The following TAOK3 variants were observed in gnomAD, a reference collection of about 807,000 sequenced individuals.
TAOK3 encodes the protein serine/threonine-protein kinase TAO3.
In TAOK3, 40 loss-of-function variants were observed where a neutral mutation model predicts 120.4. That is an observed-to-expected ratio of 0.33 (90% CI 0.26 to 0.43). TAOK3 has a LOEUF of 0.43. Among genes scored for constraint, TAOK3 ranks in the 20% least tolerant of loss-of-function variants. The pLI, the probability that TAOK3 is intolerant of heterozygous loss-of-function variation, is 1.00. For synonymous variants in TAOK3, 355 were observed against 387.5 expected (o/e 0.92, Z 0.99); for missense variants, 821 against 1,112.1 (o/e 0.74, Z 3.72).
chr12:118,314,024 G>A (rs2043357324), intron 1 of TAOK3, among the ~76,000 whole-genome samples: 1 of 152,098 alleles, frequency 6.6e-6, no homozygotes, highest in African/African-American at 2.4e-5. Context: ...GAAGTTTTAG[G>A]CCCTTCCAAG....
chr12:118,327,248 T>C (rs992020661), intron 1 of TAOK3, among the ~76,000 whole-genome samples: 29 of 152,188 alleles, frequency 1.9e-4, no homozygotes, highest in African/African-American at 6.8e-4. Context: ...AGGCTTTATG[T>C]ATATTATATC....
chr12:118,262,395 C>A (rs1041885801), intron 2 of TAOK3, among the ~76,000 whole-genome samples: 1 of 151,400 alleles, frequency 6.6e-6, no homozygotes, highest in Non-Finnish European at 1.5e-5. Context: ...AGGCAGAGAA[C>A]TGCTTGAACC....
intron 1 of TAOK3, among the ~76,000 whole-genome samples, chr12:118,363,228 A>G (rs1176889366): frequency 6.6e-6 from 1 of 152,062 alleles, no homozygotes; most frequent in African/African-American, 2.4e-5. Context: ...AGATTTACCA[A>G]CTGTCAGGGT....
chr12:118,179,511 T>C (rs181313545), intron 15 of TAOK3, among the ~76,000 whole-genome samples: 114 of 152,314 alleles, frequency 7.5e-4, no homozygotes, highest in African/African-American at 2.7e-3. Flanking sequence ...GACGAGTTAA[T>C]GGGTGCAGCA....
rs774571205 is a variant in TAOK3 at position 118,151,125 on chromosome 12, G to C, written c.2569C>G (p.Arg857Gly). Reference sequence around the variant, plus strand: ...AATAGGTTCTTTATTCTCTCGCTGCGTTCCTTCTGAAGGGCAGCCAGCTCC... The same window carrying C: ...AATAGGTTCTTTATTCTCTCGCTGCCTTCCTTCTGAAGGGCAGCCAGCTCC... ...EEELAALQKE[R>G]SERIKNLLER... is the part of the protein sequence containing the mutation. The change falls in exon 21 of 21, where the codon CGC becomes GGC. Residue 857 changes from arginine (R) to glycine (G), a missense_variant. Coordinates refer to ENST00000392533, the MANE Select transcript of TAOK3 (RefSeq NM_016281.4). 1.2e-6 allele frequency: 2 copies of C among 1,613,176 alleles called. No individual in the cohort carries two copies. Among genetic ancestry groups the C allele is most frequent in the East Asian group, 2.2e-5 (1 of 44,878 alleles).
At chr12:118,341,472 C>A (rs573482264) in intron 1 of TAOK3, among the ~76,000 whole-genome samples, 1 of 151,956 alleles carries the variant, frequency 6.6e-6, no homozygotes, top group Admixed American at 6.6e-5. Context: ...GGCAATAATG[C>A]AATGCATTTT....
intron 17 of TAOK3, among the ~76,000 whole-genome samples, chr12:118,163,055 G>A (rs2035324815): frequency 6.6e-6 from 1 of 152,168 alleles, no homozygotes; most frequent in East Asian, 1.9e-4. Flanking sequence ...ATTTAGATAC[G>A]TGGCCCAACC....
chr12:118,262,113 G>A (rs1245180956), intron 2 of TAOK3, among the ~76,000 whole-genome samples: 3 of 152,148 alleles, frequency 2.0e-5, no homozygotes, highest in South Asian at 2.1e-4. Flanking sequence ...CACACACCTC[G>A]GCCTCCCAAA....
intron 7 of TAOK3, chr12:118,236,273 T>C (rs1346459454): frequency 6.6e-6 from 1 of 152,276 alleles, no homozygotes; most frequent in East Asian, 1.9e-4. Flanking sequence ...AATAACTCTG[T>C]ACAGTAAAAA....
chr12:118,363,018 C>CAAAAAAA (rs60475060), intron 1 of TAOK3, among the ~76,000 whole-genome samples: 119 of 45,880 alleles, frequency 2.6e-3, no homozygotes, highest in Non-Finnish European at 3.1e-3. Context: ...GACTCCGTAT[C>CAAAAAAA]AAAAAAAAAA....
At chr12:118,291,927 C>T (rs2042499455) in intron 1 of TAOK3, among the ~76,000 whole-genome samples, 1 of 152,110 alleles carries the variant, frequency 6.6e-6, no homozygotes, top group African/African-American at 2.4e-5. Context: ...GATTCTCCTG[C>T]CTCAGCCTCC....
intron 1 of TAOK3, among the ~76,000 whole-genome samples, chr12:118,348,497 C>A (rs2044978180): frequency 6.6e-6 from 1 of 151,606 alleles, no homozygotes; most frequent in South Asian, 2.1e-4. Context: ...GTCACCCAGG[C>A]TGGAGTGCAG....
At chr12:118,246,203 T>TGGACGGGGCCGGGGCCGAGGCCGC (rs2040491276) in intron 3 of TAOK3, 2 of 1,428,926 alleles carry the variant, frequency 1.4e-6, no homozygotes, top group African/African-American at 2.8e-5. Flanking sequence ...GTCGCGGCCG[T>TGGACGGGGCCGGGGCCGAGGCCGC]GGACGGGGCC....
chr12:118,234,702 C>G (rs2039949196), intron 8 of TAOK3, among the ~76,000 whole-genome samples: 1 of 152,172 alleles, frequency 6.6e-6, no homozygotes, highest in African/African-American at 2.4e-5. Context: ...GCCACCACAC[C>G]TGGCCATATT....
chr12:118,251,859 T>C (rs1477734206), intron 3 of TAOK3, among the ~76,000 whole-genome samples: 1 of 151,508 alleles, frequency 6.6e-6, no homozygotes, highest in Non-Finnish European at 1.5e-5. Flanking sequence ...TCTCACTCTG[T>C]CCCCCAGGCT....
At chr12:118,311,709 G>T (rs534230695) in intron 1 of TAOK3, among the ~76,000 whole-genome samples, 1 of 152,146 alleles carries the variant, frequency 6.6e-6, no homozygotes, top group African/African-American at 2.4e-5. Flanking sequence ...GAAATGGCAG[G>T]TGAAGAACTC....
chr12:118,328,478 C>G (rs536450185), intron 1 of TAOK3, among the ~76,000 whole-genome samples: 1 of 152,054 alleles, frequency 6.6e-6, no homozygotes, highest in East Asian at 1.9e-4. Flanking sequence ...ATTAAAGAAA[C>G]GTACATTTAA....
chr12:118,262,826 C>CAAA (rs61453663), intron 2 of TAOK3, among the ~76,000 whole-genome samples: 1,303 of 73,698 alleles, frequency 0.018, 47 homozygotes, highest in African/African-American at 0.057. Context: ...GACTCCGTCT[C>CAAA]AAAAAAAAAA....
intron 9 of TAOK3, among the ~76,000 whole-genome samples, chr12:118,228,780 T>C (rs2039628199): frequency 6.6e-6 from 1 of 152,232 alleles, no homozygotes; most frequent in Non-Finnish European, 1.5e-5. Context: ...AAATTTATTA[T>C]TCGAGGACTT....
Sources: gnomAD v4.1 joint callset for allele counts (sites outside exome capture counted in the v4.1 genomes callset) on GRCh38, gnomAD v4.1.1 for gene constraint, MANE v1.5 for transcripts, NCBI Gene and HGNC (gene_info 2026-07-23, HGNC 2026-07-21) for gene names.